The following DMRT1 variants were observed in gnomAD, a reference collection of about 807,000 sequenced individuals.
The protein encoded by DMRT1 is doublesex- and mab-3-related transcription factor 1.
DMRT1 carries 7 observed loss-of-function variants against 32.3 expected under a neutral mutation model. The ratio of observed to expected loss-of-function variants is 0.22; its 90% CI spans 0.12 to 0.41. The LOEUF (loss-of-function observed/expected upper bound fraction) is 0.41, where lower values mean the gene tolerates loss of function less well. DMRT1 is among the 10% of genes least tolerant of loss of function. DMRT1 has a pLI of 1.00. For missense variants in DMRT1, 625 were observed against 500.5 expected (o/e 1.25, Z -2.37); for synonymous variants, 278 against 206.1 (o/e 1.35, Z -2.99).
chr9:878,200 G>GTCC (rs149257815), intron 2 of DMRT1, among the ~76,000 whole-genome samples: 2 of 94,038 alleles, frequency 2.1e-5, no homozygotes, highest in African/African-American at 4.3e-5. Flanking sequence ...TGCAGCTGCT[G>GTCC]CCCCCCCCCC....
At chr9:870,397 C>A (rs1443300733) in intron 2 of DMRT1, among the ~76,000 whole-genome samples, 2 of 120,804 alleles carry the variant, frequency 1.7e-5, no homozygotes, top group African/African-American at 2.6e-5. Flanking sequence ...GAAACTCTGT[C>A]TCAAAAAACA....
chr9:871,762 C>G (rs1816276280), intron 2 of DMRT1, among the ~76,000 whole-genome samples: 1 of 150,776 alleles, frequency 6.6e-6, no homozygotes, highest in Non-Finnish European at 1.5e-5. Context: ...GCGTGAGCAA[C>G]CGTGCCTGGC....
chr9:884,024 G>A lies in DMRT1; in HGVS notation c.539-9888G>A, dbSNP rs149811317. Among the ~76,000 whole-genome samples the A allele has an allele frequency of 4.8e-3, 731 of 152,258 alleles. 4 individuals are homozygous for A. The highest frequency in any genetic ancestry group is 0.016 in the African/African-American group (655 of 41,554). ...AAATTAATCGTTTACATGACCTCATGTGAATCACAAGTAGTTTACTGTTTG... is the reference window on the plus strand; with the variant it reads ...AAATTAATCGTTTACATGACCTCATATGAATCACAAGTAGTTTACTGTTTG... On this transcript the variant is annotated intron_variant, in intron 2 of 4. Transcript: ENST00000382276.
At chr9:890,577 G>A (rs1253818622) in intron 2 of DMRT1, among the ~76,000 whole-genome samples, 5 of 152,058 alleles carry the variant, frequency 3.3e-5, no homozygotes, top group African/African-American at 1.2e-4. Context: ...CCTCTCCCTT[G>A]CATGTTTTTG....
intron 4 of DMRT1, among the ~76,000 whole-genome samples, chr9:919,882 G>C (rs895993672): frequency 1.4e-4 from 21 of 152,176 alleles, no homozygotes; most frequent in African/African-American, 4.1e-4. Flanking sequence ...TTGGTCTTTG[G>C]ATGGGACAGG....
At chr9:861,172 A>G (rs1815647180) in intron 2 of DMRT1, among the ~76,000 whole-genome samples, 1 of 151,220 alleles carries the variant, frequency 6.6e-6, no homozygotes, top group African/African-American at 2.4e-5. Flanking sequence ...CATGTGAACA[A>G]AGGTCTCTGG....
chr9:847,272 C>A, intron 2 of DMRT1, 129 bp downstream of exon 2: 1 of 1,002,362 alleles, frequency 1.0e-6, no homozygotes. Flanking sequence ...GTAGAGGATT[C>A]TCCCTGTGAA....
chr9:888,015 C>T (rs544374847), intron 2 of DMRT1, among the ~76,000 whole-genome samples: 1 of 152,344 alleles, frequency 6.6e-6, no homozygotes, highest in South Asian at 2.1e-4. Flanking sequence ...ACCTGCTCCT[C>T]TGGATTACCC....
chr9:946,633 A>G (rs1244052764), intron 4 of DMRT1, among the ~76,000 whole-genome samples: 1 of 152,216 alleles, frequency 6.6e-6, no homozygotes, highest in African/African-American at 2.4e-5. Context: ...AGGTTCCGGT[A>G]AAGAGCCTTG....
rs1819996573 is a variant in DMRT1 at position 968,154 on chromosome 9, C to T, written c.*15C>T. 3.1e-6 allele frequency: 5 copies of T among 1,613,624 alleles called. No homozygotes were observed. Among genetic ancestry groups the T allele is most frequent in the East Asian group, 2.2e-5 (1 of 44,888 alleles). On this transcript the variant is annotated 3_prime_UTR_variant, in exon 5 of 5. Transcript: ENST00000382276. ...AGGACGAGTGAGCAGTGCCTGCTGC[C>T]GATGGCGGTTCACTTGGAGTAACAG...
chr9:858,470 T>C (rs930246464), intron 2 of DMRT1, among the ~76,000 whole-genome samples: 3 of 152,196 alleles, frequency 2.0e-5, no homozygotes, highest in African/African-American at 4.8e-5. Flanking sequence ...ACCCCTCAGG[T>C]ACCTACTTAC....
At chr9:916,708 C>G (rs984535097) in intron 3 of DMRT1, 55 bp from the exon 4 acceptor site, 11 of 1,587,864 alleles carry the variant, frequency 6.9e-6, no homozygotes, top group East Asian at 2.2e-5. Context: ...AATTATTGTA[C>G]TAGTTGTGAC....
chr9:871,858 C>T (rs1816279698), intron 2 of DMRT1, among the ~76,000 whole-genome samples: 1 of 151,186 alleles, frequency 6.6e-6, no homozygotes. Context: ...AGTCTGTGAC[C>T]TAAAAAGTAT....
Position 841,982 on chromosome 9 carries a change from G to C in DMRT1, c.144G>C (p.Gly48=). 1 of 1,576,546 alleles carries C rather than the reference G, an allele frequency of 6.3e-7. No homozygotes were observed. The highest frequency in any genetic ancestry group is 8.6e-7 in the Non-Finnish European group (1 of 1,162,184). ...LVGAASGSSA[G]GSSRGGGSGS... ...GGGCGGCCAGCGGCTCGAGCGCCGG[G>C]GGCAGCAGCAGAGGAGGCGGCTCCG... Residue 48 remains glycine (G), a synonymous_variant, in exon 1 of 5, where the codon GGG becomes GGC. Transcript: ENST00000382276.
At chr9:891,346 G>A (rs1448402648) in intron 2 of DMRT1, among the ~76,000 whole-genome samples, 1 of 151,980 alleles carries the variant, frequency 6.6e-6, no homozygotes, top group Non-Finnish European at 1.5e-5. Flanking sequence ...AATTACTTGG[G>A]CTGCTGAGGT....
chr9:894,128 C>T lies in DMRT1; in HGVS notation c.755C>T (p.Pro252Leu), dbSNP rs764065635. ...GTGGGAAATCCCCTCGGGGGATCCCCTGTGAAGAACAGCCTTCGGGGCCTC... is the reference window on the plus strand; with the variant it reads ...GTGGGAAATCCCCTCGGGGGATCCCTTGTGAAGAACAGCCTTCGGGGCCTC... ...GEVGNPLGGSPVKNSLRGLPG... is the reference protein window; with the variant it reads ...GEVGNPLGGSLVKNSLRGLPG... The change falls in exon 3 of 5, where the codon CCT becomes CTT. Residue 252 changes from proline to leucine, a missense_variant. Pro to Leu is a moderately conservative substitution (Grantham distance 98). Coordinates refer to ENST00000382276, the MANE Select transcript of DMRT1 (RefSeq NM_021951.3). The T allele has an allele frequency of 4.3e-6, 7 of 1,614,250 alleles. No homozygotes were observed. Among genetic ancestry groups the T allele is most frequent in the South Asian group, 1.1e-5 (1 of 91,090 alleles).
chr9:948,672 CT>C (rs1231191409), intron 4 of DMRT1, among the ~76,000 whole-genome samples: 1 of 152,056 alleles, frequency 6.6e-6, no homozygotes, highest in Non-Finnish European at 1.5e-5. Flanking sequence ...GACTGAAACA[CT>C]CAGAATCTGC....
At chr9:843,588 A>T (rs75877441) in intron 1 of DMRT1, among the ~76,000 whole-genome samples, 566 of 152,326 alleles carry the variant, frequency 3.7e-3, no homozygotes, top group African/African-American at 0.013. Context: ...TAACATTTTA[A>T]CGGAAAGTTA....
chr9:858,645 G>A (rs1047329583), intron 2 of DMRT1, among the ~76,000 whole-genome samples: 2 of 151,896 alleles, frequency 1.3e-5, no homozygotes, highest in East Asian at 1.9e-4. Flanking sequence ...AGGCCGAGGC[G>A]GGCAGATCAT....
Sources: gnomAD v4.1 joint callset for allele counts (sites outside exome capture counted in the v4.1 genomes callset) on GRCh38, gnomAD v4.1.1 for gene constraint, MANE v1.5 for transcripts, NCBI Gene and HGNC (gene_info 2026-07-23, HGNC 2026-07-21) for gene names.